Variants in TRANK1 observed in about 807,000 individuals in gnomAD.
The protein encoded by TRANK1 is tetratricopeptide repeat and ankyrin repeat containing 1, also known as TPR and ankyrin repeat-containing protein 1.
TRANK1 carries 198 observed loss-of-function variants against 266.0 expected under a neutral mutation model. The ratio of observed to expected loss-of-function variants is 0.74; its 90% confidence interval spans 0.66 to 0.84. The LOEUF is 0.84. Ranked by LOEUF, TRANK1 falls within the 40% of genes least tolerant of loss-of-function variation. TRANK1 has a pLI of 0.00. For missense variants in TRANK1, 3,326 were observed against 3,634.6 expected, an observed-to-expected ratio of 0.92 and a Z score of 2.18; for synonymous variants, 1,396 against 1,384.1, an observed-to-expected ratio of 1.01 and a Z score of -0.19.
intron 8 of TRANK1, among the ~76,000 whole-genome samples, chr3:36,877,061 T>C (rs1009795127): frequency 2.6e-5 from 4 of 152,192 alleles, no homozygotes; most frequent in Non-Finnish European, 5.9e-5. Flanking sequence ...TTTTTTCAAA[T>C]GGGTTTAAAA....
chr3:36,929,203 G>A (rs2125659984), intron 1 of TRANK1: 1 of 147,692 alleles, frequency 6.8e-6, no homozygotes, highest in African/African-American at 2.5e-5. Flanking sequence ...GGAGAGCAGT[G>A]GCAAGACCTT....
chr3:36,872,987 T>C (rs2079331743), intron 9 of TRANK1, among the ~76,000 whole-genome samples: 1 of 152,186 alleles, frequency 6.6e-6, no homozygotes, highest in African/African-American at 2.4e-5. Flanking sequence ...AGCTAGAAGA[T>C]AATGAAATAA....
chr3:36,941,340 A>AGGGAGTCCCACCAGC (rs1432627551), intron 1 of TRANK1, among the ~76,000 whole-genome samples: 1 of 152,228 alleles, frequency 6.6e-6, no homozygotes, highest in East Asian at 1.9e-4. Flanking sequence ...AAAGACACAC[A>AGGGAGTCCCACCAGC]GGGAGTCCCA....
Position 36,856,390 on chromosome 3 carries a change from T to G in TRANK1, c.3332A>C (p.Lys1111Thr). The G allele has an allele frequency of 6.2e-7, 1 of 1,601,714 alleles. No homozygotes were observed. The highest frequency in any genetic ancestry group is 8.5e-7 in the Non-Finnish European group (1 of 1,173,772). Reference sequence around the variant, plus strand: ...CAACCTTCTCTTCAGCCAGACCTGTTTGGCCAGCAATGGGCTTCCTGCCTG... The same window carrying G: ...CAACCTTCTCTTCAGCCAGACCTGTGTGGCCAGCAATGGGCTTCCTGCCTG... The part of the protein sequence containing the change: ...AEQAGSPLLA[K>T]QVWLKRRLEV... Residue 1111 changes from lysine (K) to threonine (T), a missense_variant, in exon 13 of 24, where the codon AAA becomes ACA. By Grantham distance (78) the Lys-to-Thr change is moderately conservative. Transcript: ENST00000645898.
intron 23 of TRANK1, among the ~76,000 whole-genome samples, chr3:36,829,178 A>G (rs1348919244): frequency 6.6e-6 from 1 of 152,190 alleles, no homozygotes; most frequent in Non-Finnish European, 1.5e-5. Context: ...TATGTACTAG[A>G]ACCTCAATAA....
chr3:36,849,543 G>A (rs1471708962), intron 15 of TRANK1, among the ~76,000 whole-genome samples: 1 of 152,158 alleles, frequency 6.6e-6, no homozygotes, highest in Non-Finnish European at 1.5e-5. Context: ...CTGCTTCAAA[G>A]ACAGAGCTTG....
intron 8 of TRANK1, among the ~76,000 whole-genome samples, chr3:36,875,078 T>C (rs1421936159): frequency 6.6e-6 from 1 of 152,038 alleles, no homozygotes; most frequent in African/African-American, 2.4e-5. Flanking sequence ...GGCAGAATTC[T>C]AAGCCCCCAA....
At chr3:36,869,603 C>T (rs1029357703) in intron 9 of TRANK1, among the ~76,000 whole-genome samples, 1 of 152,206 alleles carries the variant, frequency 6.6e-6, no homozygotes, top group East Asian at 1.9e-4. Flanking sequence ...GATTAAGGTC[C>T]ATAAAAACAA....
At position 36,879,623 on chromosome 3, in the gene TRANK1, T is replaced by TAA. The variant is rs1559448092; in HGVS notation, c.908-5328_908-5327insTT. ...AAATATATATAAATATACAAATATA[T>TAA]ATAAATATATATAAATATACAAATA... On this transcript the variant is annotated intron_variant, in intron 8 of 23. Coordinates refer to ENST00000645898, the MANE Select transcript of TRANK1 (RefSeq NM_001329998.2). Among the ~76,000 whole-genome samples the TAA allele has an allele frequency of 3.5e-5, 4 of 114,804 alleles. 1 individual carries two copies. Among genetic ancestry groups the TAA allele is most frequent in the South Asian group, 2.5e-4 (1 of 4,062 alleles). 75.3% of individuals were successfully genotyped at this position (114,804 alleles called of 152,430 possible).
At chr3:36,933,092 T>A (rs747577548) in intron 1 of TRANK1, among the ~76,000 whole-genome samples, 15 of 152,234 alleles carry the variant, frequency 9.9e-5, no homozygotes, top group Non-Finnish European at 1.9e-4. Flanking sequence ...TTATCAGTAC[T>A]AGCTCACATT....
intron 9 of TRANK1, among the ~76,000 whole-genome samples, chr3:36,867,883 C>G (rs1325599786): frequency 2.0e-5 from 3 of 152,242 alleles, no homozygotes; most frequent in African/African-American, 7.2e-5. Context: ...ACCGGGGACA[C>G]TGTGTGGAGT....
intron 8 of TRANK1, among the ~76,000 whole-genome samples, chr3:36,884,458 A>C (rs1378003308): frequency 6.6e-6 from 1 of 152,224 alleles, no homozygotes; most frequent in Non-Finnish European, 1.5e-5. Context: ...TTTTTGAAGG[A>C]ACACAGGAGC....
Position 36,857,773 on chromosome 3 carries a change from A to G in TRANK1, c.1949T>C (p.Met650Thr). The G allele has an allele frequency of 3.1e-6, 5 of 1,613,992 alleles. No individual in the cohort carries two copies. Among genetic ancestry groups the G allele is most frequent in the East Asian group, 2.2e-5 (1 of 44,870 alleles). The change falls in exon 13 of 24, where the codon ATG becomes ACG. Residue 650 changes from methionine to threonine, a missense_variant. Physicochemically the swap from Met to Thr is moderately conservative, Grantham distance 81. Transcript: ENST00000645898. The surrounding 1 kb of genome is among the most constrained non-coding windows in gnomAD (Gnocchi z 4.3). ...SLLLAWNKALMENRRRSRQDS... is the reference protein window; with the variant it reads ...SLLLAWNKALTENRRRSRQDS... ...CTGCCGGCTCCTCCTCCTGTTCTCC[A>G]TCAGAGCTTTGTTCCAGGCCAAGAG...
In TRANK1 at chr3:36,832,389, A is replaced by G. The variant is rs1223300740; in HGVS notation, c.7194T>C (p.Asn2398=). The G allele has an allele frequency of 1.9e-6, 3 of 1,613,774 alleles. No homozygotes were observed. Among genetic ancestry groups the G allele is most frequent in the African/African-American group, 2.7e-5 (2 of 74,890 alleles). The change falls in exon 22 of 24, where the codon AAT becomes AAC. Residue 2398 remains asparagine (N), a synonymous_variant. Coordinates refer to ENST00000645898, the MANE Select transcript of TRANK1 (RefSeq NM_001329998.2). The part of the protein sequence containing the change: ...GMLAPNRDDE[N]MDKTHLCFIR... Reference sequence around the variant, plus strand: ...TGAAGCACAGGTGGGTCTTGTCCATATTTTCATCATCCCTGTTGGGTGCCA... The same window carrying G: ...TGAAGCACAGGTGGGTCTTGTCCATGTTTTCATCATCCCTGTTGGGTGCCA...
At chr3:36,886,134 T>G (rs987065667) in intron 8 of TRANK1, among the ~76,000 whole-genome samples, 4 of 75,834 alleles carry the variant, frequency 5.3e-5, no homozygotes, top group East Asian at 1.5e-3. Flanking sequence ...TTGTTGTTTT[T>G]TTTTTTTTTT....
At chr3:36,877,910 A>G (rs2079412935) in intron 8 of TRANK1, among the ~76,000 whole-genome samples, 1 of 152,248 alleles carries the variant, frequency 6.6e-6, no homozygotes, top group African/African-American at 2.4e-5. Flanking sequence ...TGATTAATAC[A>G]AAGTTGTTTT....
chr3:36,891,311 C>T (rs1484939944), intron 7 of TRANK1, among the ~76,000 whole-genome samples: 2 of 152,166 alleles, frequency 1.3e-5, no homozygotes, highest in Admixed American at 6.5e-5. Context: ...CTGCACTCCC[C>T]CAGCCTGGGC....
chr3:36,903,051 G>C (rs765291846), intron 3 of TRANK1, 98 bp downstream of exon 3: 3 of 1,424,954 alleles, frequency 2.1e-6, no homozygotes, highest in Non-Finnish European at 2.8e-6. Flanking sequence ...ACCCCCAGGT[G>C]CCACTGCCCC....
chr3:36,831,764 C>A lies in TRANK1; in HGVS notation c.7819G>T (p.Val2607Phe). Residue 2607 changes from valine (V) to phenylalanine (F), a missense_variant, in exon 22 of 24, where the codon GTT becomes TTT. Physicochemically the swap from Val to Phe is conservative, Grantham distance 50. Coordinates refer to ENST00000645898, the MANE Select transcript of TRANK1 (RefSeq NM_001329998.2). This position sits in a 1 kb window ranked among gnomAD's most constrained non-coding sequence, Gnocchi z 5.0. ...ACCACCTTCAGGAGCCTCTCGGGAA[C>A]CTGGCCAGGGCAGTCCATGCTCATG... ...QLMSMDCPGQ[V>F]PERLLKVVKR... is the part of the protein sequence containing the mutation. 1 of 1,613,962 alleles carries A rather than the reference C, an allele frequency of 6.2e-7. No homozygotes were observed. Among genetic ancestry groups the A allele is most frequent in the Non-Finnish European group, 8.5e-7 (1 of 1,179,884 alleles).
Sources: gnomAD v4.1 joint callset for allele counts (sites outside exome capture counted in the v4.1 genomes callset) on GRCh38, gnomAD v4.1.1 for gene constraint, Gnocchi (gnomAD v3.1) non-coding constraint, MANE v1.5 for transcripts, NCBI Gene and HGNC (gene_info 2026-07-23, HGNC 2026-07-21) for gene names.